RNF135: variants seen among roughly 807,000 people sequenced by gnomAD.
RNF135 encodes the protein E3 ubiquitin-protein ligase RNF135.
In RNF135, 46 loss-of-function variants were observed where a neutral mutation model predicts 41.9. The observed-to-expected ratio is 1.10, with a 90% CI of 0.87 to 1.40. The LOEUF is 1.40. Among genes scored for constraint, RNF135 ranks in the 40% most tolerant of loss-of-function variants. The pLI, the probability that RNF135 is intolerant of heterozygous loss-of-function variation, is 0.00. For synonymous variants in RNF135, 238 were observed against 223.8 expected, an observed-to-expected ratio of 1.06 and a Z score of -0.57; for missense variants, 539 against 549.8, an observed-to-expected ratio of 0.98 and a Z score of 0.20.
Position 30,998,756 on chromosome 17 carries a change from A to T in RNF135, c.864A>T (p.Gln288His). The T allele has an allele frequency of 6.2e-7, 1 of 1,612,578 alleles. No individual in the cohort carries two copies. The highest frequency in any genetic ancestry group is 1.1e-5 in the South Asian group (1 of 90,714). ...CAGTGACTGTGTCTCACCGCCCACA[A>T]CCCTATCGCTGGAGCTGTGAGAGGT... is the stretch of plus-strand genomic sequence containing the variant. ...SRTVTVSHRP[Q>H]PYRWSCERFS... Residue 288 changes from glutamine (Q) to histidine (H), a missense_variant, in exon 5 of 5, where the codon CAA becomes CAT. By Grantham distance (24) the Gln-to-His change is conservative (BLOSUM62 0). Transcript: ENST00000328381.
At chr17:30,975,686 C>T (rs1370731519) in intron 1 of RNF135, 1 of 1,420,274 alleles carries the variant, frequency 7.0e-7, no homozygotes, top group East Asian at 2.3e-5. Flanking sequence ...CAGTGTCGGC[C>T]TGAGAAATGC....
the RNF135 span, among the ~76,000 whole-genome samples, chr17:30,962,904 C>T: frequency 6.6e-6 from 1 of 152,274 alleles, no homozygotes; most frequent in Non-Finnish European, 1.5e-5. Context: ...ATGAGAGTTC[C>T]AGTTACTCTA....
chr17:30,970,784 T>C (rs973518002), upstream of RNF135: 4 of 514,710 alleles, frequency 7.8e-6, no homozygotes, highest in East Asian at 1.4e-4. Flanking sequence ...GACATCCAGC[T>C]AAAGGGAATC....
chr17:30,975,447 C>T, intron 1 of RNF135: 1 of 775,048 alleles, frequency 1.3e-6, no homozygotes, highest in East Asian at 2.4e-5. Context: ...AGGAAATGAA[C>T]TGTGTTCACT....
At chr17:30,966,228 G>C (rs1284755401), upstream of RNF135, among the ~76,000 whole-genome samples, 2 of 152,098 alleles carry the variant, frequency 1.3e-5, no homozygotes, top group Non-Finnish European at 2.9e-5. Context: ...CCTACCCCAG[G>C]AATGAGCGAA....
At chr17:30,988,422 T>TA (rs1293994013) in intron 3 of RNF135, among the ~76,000 whole-genome samples, 5 of 122,642 alleles carry the variant, frequency 4.1e-5, no homozygotes, top group African/African-American at 1.6e-4. Context: ...TTTAATTTTT[T>TA]TTTTTTTTTT....
At chr17:30,964,162 C>T in the RNF135 span, among the ~76,000 whole-genome samples, 95 of 150,100 alleles carry the variant, frequency 6.3e-4, 1 homozygote, top group East Asian at 0.017. Context: ...CTGAGGCAGG[C>T]GGATCACCTG....
At chr17:30,979,802 CG>C (rs1906888779) in intron 1 of RNF135, among the ~76,000 whole-genome samples, 1 of 100,880 alleles carries the variant, frequency 9.9e-6, no homozygotes, top group African/African-American at 3.8e-5. Flanking sequence ...GCTGGCCGGG[CG>C]GGGGGCTGAC....
upstream of RNF135, among the ~76,000 whole-genome samples, chr17:30,966,198 T>G (rs1905539628): frequency 6.6e-6 from 1 of 152,010 alleles, no homozygotes; most frequent in Non-Finnish European, 1.5e-5. Context: ...TAAACTAAAT[T>G]CCTTCCACGG....
intron 1 of RNF135, among the ~76,000 whole-genome samples, chr17:30,980,023 CCGGGCGGGGGGCTGACCCCCCACCT>C (rs1906935464): frequency 8.1e-6 from 1 of 124,036 alleles, no homozygotes; most frequent in Non-Finnish European, 1.7e-5. Flanking sequence ...GGGCGGCTGG[CCGGGCGGGGGGCTGACCCCCCACCT>C]CCCTCCCGGA....
At chr17:30,983,353 A>ATTTTTTTTTTTTTTT (rs1192298651) in intron 1 of RNF135, among the ~76,000 whole-genome samples, 1 of 35,742 alleles carries the variant, frequency 2.8e-5, no homozygotes, top group African/African-American at 9.1e-5. Flanking sequence ...ATATATATAT[A>ATTTTTTTTTTTTTTT]TTTTTTTTTT....
At chr17:30,977,995 T>C (rs1406627487) in intron 1 of RNF135, among the ~76,000 whole-genome samples, 1 of 152,250 alleles carries the variant, frequency 6.6e-6, no homozygotes, top group Non-Finnish European at 1.5e-5. Flanking sequence ...AAAGCTATTT[T>C]CACAAATTAT....
chr17:30,959,872 T>C, the RNF135 span: 6 of 151,414 alleles, frequency 4.0e-5, no homozygotes. Flanking sequence ...TAGCTAGGCA[T>C]GGGCACTGTA....
intron 1 of RNF135, chr17:30,975,618 A>G (rs1431863714): frequency 2.1e-6 from 2 of 950,276 alleles, no homozygotes; most frequent in African/African-American, 1.6e-5. Context: ...AAATAAAAGC[A>G]TATTCAGCAA....
At chr17:30,958,936 C>T in the RNF135 span, 3 of 152,086 alleles carry the variant, frequency 2.0e-5, no homozygotes, top group Admixed American at 6.6e-5. Flanking sequence ...TTTGGATCCC[C>T]CAATCAAAGG....
intron 2 of RNF135, among the ~76,000 whole-genome samples, chr17:30,985,259 C>T (rs1053035879): frequency 1.3e-5 from 2 of 152,182 alleles, no homozygotes; most frequent in Non-Finnish European, 2.9e-5. Context: ...AGGTAGTCTT[C>T]CCTGCATCCA....
upstream of RNF135, among the ~76,000 whole-genome samples, chr17:30,966,316 A>T (rs551398368): frequency 2.0e-5 from 3 of 149,152 alleles, no homozygotes; most frequent in African/African-American, 7.4e-5. Flanking sequence ...GAAAGTGAAT[A>T]CTTCTTTTTT....
rs1407537062 is a variant in RNF135, at chr17:30,971,317, G to A, written c.244G>A (p.Ala82Thr). 1 of 1,533,892 alleles carries A rather than the reference G, an allele frequency of 6.5e-7. No homozygotes were observed. Among genetic ancestry groups the A allele is most frequent in the South Asian group, 1.2e-5 (1 of 83,230 alleles). The change falls in exon 1 of 5, where the codon GCC becomes ACC. Residue 82 changes from alanine to threonine, a missense_variant. This residue lies in a region of RNF135 where 277 missense variants were observed against 212.8 expected (regional missense o/e 1.30). Transcript: ENST00000328381. The stretch of plus-strand genomic sequence containing the variant: ...GAAGAACACGCTACTGCAGGACCTG[G>A]CCGACAAGTACCGCCGCGCCGCACG... ...LRKNTLLQDL[A>T]DKYRRAAREI...
chr17:30,988,491 C>T (rs1373961457), intron 3 of RNF135, among the ~76,000 whole-genome samples: 5 of 137,060 alleles, frequency 3.6e-5, no homozygotes, highest in African/African-American at 1.1e-4. Context: ...GCAGTGGCAC[C>T]ATCTGGGCTC....
Sources: allele counts gnomAD v4.1 joint callset (sites outside exome capture counted in the v4.1 genomes callset), GRCh38; gene constraint gnomAD v4.1.1; regional missense constraint gnomAD v4.1.1; transcripts MANE v1.5; gene names NCBI Gene and HGNC (gene_info 2026-07-23, HGNC 2026-07-21).